The following SNTG2 variants were observed in gnomAD, a reference collection of about 807,000 sequenced individuals.
The protein encoded by SNTG2 is gamma-2-syntrophin.
In SNTG2, 74 loss-of-function variants were observed where a neutral mutation model predicts 70.9. That is an observed-to-expected ratio of 1.04 (90% CI 0.86 to 1.27). The LOEUF (loss-of-function observed/expected upper bound fraction) is 1.27. Ranked by LOEUF, SNTG2 falls within the 50% of genes most tolerant of loss-of-function variation. The pLI is 0.00. For synonymous variants in SNTG2, 278 were observed against 273.8 expected, an observed-to-expected ratio of 1.02 and a Z score of -0.15; for missense variants, 717 against 690.7, an observed-to-expected ratio of 1.04 and a Z score of -0.43.
chr2:1,152,354 CAT>C (rs1205331491), intron 6 of SNTG2, among the ~76,000 whole-genome samples: 1 of 152,328 alleles, frequency 6.6e-6, no homozygotes, highest in East Asian at 1.9e-4. Context: ...CATGTGTATA[CAT>C]GTTTGTGCAC....
rs901617591 is a variant in SNTG2, at chr2:1,316,333, G to A, written c.1446G>A (p.Lys482=). Residue 482 remains lysine (K), a synonymous_variant, in exon 16 of 17, where the codon AAG becomes AAA. Coordinates refer to ENST00000308624, the MANE Select transcript of SNTG2 (RefSeq NM_018968.4). ...CAGATGATGGGAAAACTCGAGTAAAGCTGCTGTTTCAGAATCTGGACACCA... is the reference window on the plus strand; with the variant it reads ...CAGATGATGGGAAAACTCGAGTAAAACTGCTGTTTCAGAATCTGGACACCA... ...GSSDDGKTRV[K]LLFQNLDTKQ... is the part of the protein sequence containing the mutation. 10 of 1,550,490 alleles carry A rather than the reference G, an allele frequency of 6.4e-6. No individual in the cohort carries two copies. Among genetic ancestry groups the A allele is most frequent in the Non-Finnish European group, 7.9e-6 (9 of 1,146,266 alleles).
At chr2:1,219,856 A>G (rs1674637224) in intron 9 of SNTG2, 1 of 152,174 alleles carries the variant, frequency 6.6e-6, no homozygotes, top group Non-Finnish European at 1.5e-5. Context: ...TTTGTGAGTT[A>G]CAATAAAATT....
chr2:1,068,453 C>G (rs1031846259), intron 1 of SNTG2: 1 of 152,150 alleles, frequency 6.6e-6, no homozygotes, highest in African/African-American at 2.4e-5. Flanking sequence ...GGGTTACGAT[C>G]TGTTATTGCA....
chr2:1,267,830 G>A (rs558806637), intron 14 of SNTG2, among the ~76,000 whole-genome samples: 8 of 152,332 alleles, frequency 5.3e-5, no homozygotes, highest in South Asian at 2.1e-4. Flanking sequence ...GGGCTGCATC[G>A]CTTTCCAGGA....
At chr2:1,325,251 C>T (rs913317790) in intron 16 of SNTG2, among the ~76,000 whole-genome samples, 2 of 152,154 alleles carry the variant, frequency 1.3e-5, no homozygotes, top group Non-Finnish European at 2.9e-5. Flanking sequence ...AATAAGAATA[C>T]TCATGAATGG....
In SNTG2 at chr2:1,135,630, A is replaced by G. The variant is rs4278959; in HGVS notation, c.326-1992A>G. Among the ~76,000 whole-genome samples the G allele has an allele frequency of 1.4e-3, 219 of 152,182 alleles. No individual in the cohort carries two copies. The Middle Eastern group carries it at 0.041, about 28-fold the overall frequency. On this transcript the variant is annotated intron_variant, in intron 4 of 16. Transcript: ENST00000308624. ...CCAGCTACTTGGGAGGCTGAGGCAA[A>G]AGAATCGCTTGAACCCAGGAGGCAG...
chr2:1,183,471 G>A (rs747046206), intron 8 of SNTG2, among the ~76,000 whole-genome samples: 41 of 152,192 alleles, frequency 2.7e-4, no homozygotes, highest in Non-Finnish European at 5.0e-4. Context: ...CACCAGCAGG[G>A]TGAGGTGTGA....
chr2:1,243,894 C>T (rs1558587628), intron 11 of SNTG2, among the ~76,000 whole-genome samples: 1 of 152,216 alleles, frequency 6.6e-6, no homozygotes, highest in Non-Finnish European at 1.5e-5. Context: ...GGCGTGGTGG[C>T]ACGCGCCTGT....
chr2:1,273,682 A>G (rs1307299807), intron 14 of SNTG2, among the ~76,000 whole-genome samples: 2 of 151,008 alleles, frequency 1.3e-5, no homozygotes, highest in Non-Finnish European at 1.5e-5. Flanking sequence ...ATAGAATGAA[A>G]TATAAGTACA....
chr2:964,281 T>TAGACTTGTTGGAAG (rs1352466247), intron 1 of SNTG2, among the ~76,000 whole-genome samples: 1 of 152,224 alleles, frequency 6.6e-6, no homozygotes, highest in Non-Finnish European at 1.5e-5. Context: ...GAAGCATCTT[T>TAGACTTGTTGGAAG]CATTGACTTG....
At chr2:1,210,229 T>G (rs928476043) in intron 9 of SNTG2, among the ~76,000 whole-genome samples, 1 of 152,288 alleles carries the variant, frequency 6.6e-6, no homozygotes, top group East Asian at 1.9e-4. Flanking sequence ...TAAGCTTGAT[T>G]TTCAGATTTG....
intron 13 of SNTG2, among the ~76,000 whole-genome samples, chr2:1,260,662 G>C (rs556090754): frequency 6.6e-6 from 1 of 152,064 alleles, no homozygotes; most frequent in Non-Finnish European, 1.5e-5. Flanking sequence ...TTCTGTTTTC[G>C]AAATTATCTG....
intron 16 of SNTG2, among the ~76,000 whole-genome samples, chr2:1,321,572 T>TTTATCAC (rs1459726608): frequency 1.3e-5 from 2 of 152,106 alleles, no homozygotes; most frequent in Non-Finnish European, 2.9e-5. Flanking sequence ...GCCCACAGCA[T>TTTATCAC]TTATCACTGA....
At position 1,017,294 on chromosome 2, in the gene SNTG2, T is replaced by G. The variant is rs145490205; in HGVS notation, c.73-66224T>G. ...TAAAAACTTCATTAGAAAATGAAAT[T>G]GACTCTGTAAAGCAAAAGGTATGTA... On this transcript the variant is annotated intron_variant, in intron 1 of 16. Coordinates refer to ENST00000308624, the MANE Select transcript of SNTG2 (RefSeq NM_018968.4). Among the ~76,000 whole-genome samples, 247 of 152,308 alleles carry G rather than the reference T, an allele frequency of 1.6e-3. 3 individuals are homozygous for G. Among genetic ancestry groups the G allele is most frequent in the Middle Eastern group, 6.8e-3 (2 of 294 alleles).
At chr2:1,171,029 G>T (rs1671092683) in intron 7 of SNTG2, among the ~76,000 whole-genome samples, 1 of 151,756 alleles carries the variant, frequency 6.6e-6, no homozygotes, top group Non-Finnish European at 1.5e-5. Flanking sequence ...TTTAAGATTA[G>T]GTGTTTTAAT....
intron 9 of SNTG2, among the ~76,000 whole-genome samples, chr2:1,209,477 C>T (rs1246798060): frequency 6.6e-6 from 1 of 152,186 alleles, no homozygotes; most frequent in Non-Finnish European, 1.5e-5. Flanking sequence ...ATGGTTACTT[C>T]TCATGAACCA....
intron 14 of SNTG2, among the ~76,000 whole-genome samples, chr2:1,278,465 G>A (rs1273977162): frequency 6.6e-6 from 1 of 152,180 alleles, no homozygotes; most frequent in East Asian, 1.9e-4. Flanking sequence ...CCATGCTATT[G>A]TTTATGGAGG....
chr2:1,152,010 G>A (rs189160239), intron 6 of SNTG2, among the ~76,000 whole-genome samples: 6 of 152,166 alleles, frequency 3.9e-5, no homozygotes, highest in Admixed American at 2.6e-4. Flanking sequence ...TATTAAATAC[G>A]TAAGCATTTA....
intron 1 of SNTG2, among the ~76,000 whole-genome samples, chr2:1,040,037 C>G (rs767713486): frequency 6.6e-6 from 1 of 152,160 alleles, no homozygotes; most frequent in Non-Finnish European, 1.5e-5. Flanking sequence ...ATTCTTATCC[C>G]AGATCTGCTT....
Sources: allele counts gnomAD v4.1 joint callset (sites outside exome capture counted in the v4.1 genomes callset), GRCh38; gene constraint gnomAD v4.1.1; transcripts MANE v1.5; gene names NCBI Gene and HGNC (gene_info 2026-07-23, HGNC 2026-07-21).